Variants in PGCKA1 observed in about 807,000 individuals in gnomAD.
PGCKA1 encodes PDCD10 and GCKIII kinases-associated protein 1.
At chr4:37,455,674 A>G in the PGCKA1 span, among the ~76,000 whole-genome samples, 1 of 152,128 alleles carries the variant, frequency 6.6e-6, no homozygotes, top group Non-Finnish European at 1.5e-5. Flanking sequence ...TTGCATACCA[A>G]CTCAACACGT....
At chr4:37,573,595 C>G in the PGCKA1 span, among the ~76,000 whole-genome samples, 1 of 152,190 alleles carries the variant, frequency 6.6e-6, no homozygotes, top group Non-Finnish European at 1.5e-5. Context: ...CTTTTTTGCA[C>G]ATATGCAAAC....
chr4:37,457,361 C>G, the PGCKA1 span, among the ~76,000 whole-genome samples: 1 of 152,100 alleles, frequency 6.6e-6, no homozygotes, highest in Non-Finnish European at 1.5e-5. Context: ...ACAGAGAGGA[C>G]TGTATTATAT....
the PGCKA1 span, among the ~76,000 whole-genome samples, chr4:37,512,434 T>TA: frequency 6.7e-6 from 1 of 149,818 alleles, no homozygotes; most frequent in Non-Finnish European, 1.5e-5. Context: ...GTAGCTGCCT[T>TA]ACCCAGAAAG....
chr4:37,567,125 G>T, the PGCKA1 span, among the ~76,000 whole-genome samples: 1 of 152,026 alleles, frequency 6.6e-6, no homozygotes, highest in Non-Finnish European at 1.5e-5. Flanking sequence ...AAATATTATA[G>T]TAATAAAAAC....
the PGCKA1 span, among the ~76,000 whole-genome samples, chr4:37,463,963 G>A: frequency 6.6e-6 from 1 of 152,156 alleles, no homozygotes; most frequent in Non-Finnish European, 1.5e-5. Flanking sequence ...CACATCGCAG[G>A]TCCCCTAATG....
At chr4:37,519,781 TAGG>T in the PGCKA1 span, among the ~76,000 whole-genome samples, 2 of 152,208 alleles carry the variant, frequency 1.3e-5, no homozygotes, top group Non-Finnish European at 2.9e-5. Context: ...TGGCTCTAGC[TAGG>T]ACTTCCAGTA....
At chr4:37,482,104 G>C in the PGCKA1 span, among the ~76,000 whole-genome samples, 29 of 152,278 alleles carry the variant, frequency 1.9e-4, 1 homozygote, top group East Asian at 5.4e-3. Flanking sequence ...TCTTTGGTAT[G>C]TCTTTATTAG....
At chr4:37,479,823 T>C in the PGCKA1 span, among the ~76,000 whole-genome samples, 3 of 152,172 alleles carry the variant, frequency 2.0e-5, no homozygotes, top group African/African-American at 7.2e-5. Flanking sequence ...GAAGCTGTTA[T>C]AATCAGACCT....
At chr4:37,546,942 T>A in the PGCKA1 span, among the ~76,000 whole-genome samples, 1 of 152,260 alleles carries the variant, frequency 6.6e-6, no homozygotes, top group East Asian at 1.9e-4. Flanking sequence ...TCTTTGGAAC[T>A]TGCCCACTCC....
chr4:37,528,670 T>A, the PGCKA1 span, among the ~76,000 whole-genome samples: 1 of 152,158 alleles, frequency 6.6e-6, no homozygotes, highest in African/African-American at 2.4e-5. Flanking sequence ...GACACCCATA[T>A]TGATTGATGC....
chr4:37,531,119 T>G, the PGCKA1 span, among the ~76,000 whole-genome samples: 1 of 152,258 alleles, frequency 6.6e-6, no homozygotes, highest in African/African-American at 2.4e-5. Flanking sequence ...AACATTGAAT[T>G]ATTGACATCT....
At chr4:37,511,451 G>C in the PGCKA1 span, among the ~76,000 whole-genome samples, 1 of 152,128 alleles carries the variant, frequency 6.6e-6, no homozygotes, top group Non-Finnish European at 1.5e-5. Context: ...TTCCCTTCAA[G>C]GTAGTAGGTT....
the PGCKA1 span, among the ~76,000 whole-genome samples, chr4:37,549,247 TG>T: frequency 1.3e-5 from 2 of 152,248 alleles, no homozygotes; most frequent in Non-Finnish European, 2.9e-5. Flanking sequence ...AGTATTGTGG[TG>T]GACCTTTACT....
chr4:37,462,698 G>T, the PGCKA1 span, among the ~76,000 whole-genome samples: 1 of 152,074 alleles, frequency 6.6e-6, no homozygotes, highest in African/African-American at 2.4e-5. Flanking sequence ...ATGATGAAAA[G>T]ATTTTTATTT....
At chr4:37,459,201 T>C in the PGCKA1 span, among the ~76,000 whole-genome samples, 24,028 of 152,150 alleles carry the variant, frequency 0.16, 2,170 homozygotes, top group Admixed American at 0.21. Flanking sequence ...AAGAGAAATA[T>C]CAAACATGAT....
the PGCKA1 span, among the ~76,000 whole-genome samples, chr4:37,473,917 C>T: frequency 5.3e-5 from 8 of 152,178 alleles, no homozygotes; most frequent in African/African-American, 1.4e-4. Context: ...CCCCATCCAA[C>T]TCAACTCACC....
At chr4:37,587,016 T>A in the PGCKA1 span, among the ~76,000 whole-genome samples, 30 of 151,964 alleles carry the variant, frequency 2.0e-4, no homozygotes, top group Admixed American at 6.6e-4. Flanking sequence ...GGGGTGGGTA[T>A]CAGGGATCAA....
At chr4:37,569,978 C>CATATAAT in the PGCKA1 span, among the ~76,000 whole-genome samples, 1 of 62,882 alleles carries the variant, frequency 1.6e-5, no homozygotes, top group South Asian at 6.7e-4. Flanking sequence ...TGCATATAAT[C>CATATAAT]CTTTTTTTTT....
the PGCKA1 span, among the ~76,000 whole-genome samples, chr4:37,459,062 C>A: frequency 6.6e-6 from 1 of 152,064 alleles, no homozygotes; most frequent in Non-Finnish European, 1.5e-5. Flanking sequence ...CTCAGTACCA[C>A]GACGGAGCTC....
Sources: gnomAD v4.1 joint callset for allele counts (sites outside exome capture counted in the v4.1 genomes callset) on GRCh38, gnomAD v4.1.1 for gene constraint, MANE v1.5 for transcripts, NCBI Gene and HGNC (gene_info 2026-07-23, HGNC 2026-07-21) for gene names.